The following EBPL variants were observed in gnomAD, a reference collection of about 807,000 sequenced individuals.
EBPL encodes EBP like, also known as emopamil-binding protein-like.
A neutral mutation model predicts 19.0 loss-of-function variants in EBPL; 20 were observed. That is an observed-to-expected ratio of 1.05 (90% CI 0.74 to 1.53). The LOEUF is 1.53. Ranked by LOEUF, EBPL falls within the 40% of genes most tolerant of loss-of-function variation. The probability of loss-of-function intolerance (pLI) is 0.00; values close to 1 mark genes in which losing one functional copy is unlikely to be tolerated. For missense variants in EBPL, 219 were observed against 261.1 expected (o/e 0.84, Z 1.11); for synonymous variants, 107 against 117.0 (o/e 0.91, Z 0.55).
chr13:49,667,971 G>A (rs117166746), intron 2 of EBPL, among the ~76,000 whole-genome samples: 285 of 152,322 alleles, frequency 1.9e-3, no homozygotes, highest in Non-Finnish European at 3.0e-3. Context: ...ACACTCAGCA[G>A]GGAGGAGCCA....
intron 2 of EBPL, among the ~76,000 whole-genome samples, chr13:49,664,466 C>T (rs1174894224): frequency 6.6e-6 from 1 of 152,128 alleles, no homozygotes; most frequent in Non-Finnish European, 1.5e-5. Flanking sequence ...CATCCAGACC[C>T]ATTATCAGAG....
In EBPL at chr13:49,685,125, T is replaced by C. The variant is rs185215372; in HGVS notation, c.171+6129A>G. ...GAATTTAAAAGTACATCTGGAAGGA[T>C]AGATCATAATTTTAAAGTGTTTGAA... On this transcript the variant is annotated intron_variant, in intron 1 of 3. Transcript: ENST00000242827. Among the ~76,000 whole-genome samples the C allele has an allele frequency of 3.0e-3, 464 of 152,286 alleles. 1 individual carries two copies. Among genetic ancestry groups the C allele is most frequent in the African/African-American group, 0.01 (434 of 41,542 alleles).
At chr13:49,683,594 C>T (rs995243629) in intron 1 of EBPL, among the ~76,000 whole-genome samples, 39 of 152,108 alleles carry the variant, frequency 2.6e-4, no homozygotes, top group African/African-American at 8.9e-4. Context: ...CCACTGCACC[C>T]GATCTGGTAC....
At chr13:49,671,802 T>C (rs1335492720) in intron 1 of EBPL, among the ~76,000 whole-genome samples, 1 of 152,210 alleles carries the variant, frequency 6.6e-6, no homozygotes, top group Non-Finnish European at 1.5e-5. Context: ...CTGGACCCAT[T>C]AGTAAGATGT....
At chr13:49,677,714 G>C (rs1953891393) in intron 1 of EBPL, among the ~76,000 whole-genome samples, 1 of 152,198 alleles carries the variant, frequency 6.6e-6, no homozygotes, top group African/African-American at 2.4e-5. Context: ...TTCAAGATCA[G>C]CCTGGCCAAC....
At chr13:49,681,252 A>G (rs763153440) in intron 1 of EBPL, among the ~76,000 whole-genome samples, 13 of 152,182 alleles carry the variant, frequency 8.5e-5, no homozygotes, top group Non-Finnish European at 1.5e-4. Context: ...GCAAATAAAG[A>G]AAGGCCAGTC....
intron 2 of EBPL, among the ~76,000 whole-genome samples, chr13:49,663,730 G>A (rs898736375): frequency 2.0e-5 from 3 of 151,404 alleles, no homozygotes; most frequent in Non-Finnish European, 4.4e-5. Flanking sequence ...GAGGTCAGGA[G>A]ATCGAGACCA....
At chr13:49,677,924 C>T (rs1419812465) in intron 1 of EBPL, among the ~76,000 whole-genome samples, 2 of 152,132 alleles carry the variant, frequency 1.3e-5, no homozygotes, top group East Asian at 1.9e-4. Flanking sequence ...TGCAGACCTT[C>T]GCAGTGTTAC....
intron 2 of EBPL, among the ~76,000 whole-genome samples, chr13:49,665,064 C>T (rs1474240951): frequency 6.6e-6 from 1 of 151,840 alleles, no homozygotes; most frequent in Non-Finnish European, 1.5e-5. Flanking sequence ...AAAATATCAC[C>T]TAAGTAAAAT....
chr13:49,665,412 T>C (rs1267039196), intron 2 of EBPL, among the ~76,000 whole-genome samples: 1 of 152,186 alleles, frequency 6.6e-6, no homozygotes, highest in African/African-American at 2.4e-5. Flanking sequence ...GCTAGGATTA[T>C]AGGCACTCAC....
At chr13:49,670,466 T>C (rs1311107488) in intron 1 of EBPL, among the ~76,000 whole-genome samples, 1 of 152,226 alleles carries the variant, frequency 6.6e-6, no homozygotes, top group African/African-American at 2.4e-5. Flanking sequence ...GCCACTGGGA[T>C]ATGTAATTGT....
At chr13:49,665,113 C>CTTTT (rs71078878) in intron 2 of EBPL, among the ~76,000 whole-genome samples, 1 of 130,724 alleles carries the variant, frequency 7.6e-6, no homozygotes, top group Non-Finnish European at 1.6e-5. Flanking sequence ...TTGACCAAGT[C>CTTTT]TTTTTTTTTT....
At chr13:49,686,699 T>G in intron 1 of EBPL, 1 of 1,121,792 alleles carries the variant, frequency 8.9e-7, no homozygotes, top group South Asian at 1.4e-5. Context: ...CTTCGTGCTA[T>G]CTCCCCCAAC....
At chr13:49,671,226 C>T (rs1413554769) in intron 1 of EBPL, among the ~76,000 whole-genome samples, 1 of 152,178 alleles carries the variant, frequency 6.6e-6, no homozygotes, top group Non-Finnish European at 1.5e-5. Context: ...CAACCTACGC[C>T]TCCCGGGTTC....
intron 2 of EBPL, among the ~76,000 whole-genome samples, 168 bp downstream of exon 2, chr13:49,669,609 C>T (rs1594407327): frequency 6.6e-6 from 1 of 152,210 alleles, no homozygotes; most frequent in East Asian, 1.9e-4. Flanking sequence ...ACCCCCACCC[C>T]TACCCTCATT....
chr13:49,679,978 T>C (rs867306451), intron 1 of EBPL, among the ~76,000 whole-genome samples: 9 of 152,298 alleles, frequency 5.9e-5, no homozygotes, highest in Middle Eastern at 3.4e-3. Flanking sequence ...ACAGAGTCGC[T>C]CACCAATTTC....
At chr13:49,661,800 G>T (rs977021600) in intron 3 of EBPL, 3 of 1,531,764 alleles carry the variant, frequency 2.0e-6, no homozygotes, top group Non-Finnish European at 2.6e-6. Flanking sequence ...ATTGGGTGGG[G>T]AAGGAAGCTT....
intron 1 of EBPL, among the ~76,000 whole-genome samples, chr13:49,680,194 G>A (rs1406867854): frequency 1.3e-5 from 2 of 152,150 alleles, no homozygotes; most frequent in Non-Finnish European, 2.9e-5. Context: ...AGCTCACAGC[G>A]ACCACCAGGG....
At chr13:49,685,366 G>C (rs1292834312) in intron 1 of EBPL, among the ~76,000 whole-genome samples, 1 of 152,166 alleles carries the variant, frequency 6.6e-6, no homozygotes, top group African/African-American at 2.4e-5. Flanking sequence ...CAATAAATGG[G>C]GCTGACAACA....
Sources: allele counts gnomAD v4.1 joint callset (sites outside exome capture counted in the v4.1 genomes callset), GRCh38; gene constraint gnomAD v4.1.1; transcripts MANE v1.5; gene names NCBI Gene and HGNC (gene_info 2026-07-23, HGNC 2026-07-21).